The following PRDM16 variants were observed in gnomAD, a reference collection of about 807,000 sequenced individuals.
PRDM16 encodes the protein histone-lysine N-methyltransferase PRDM16.
A neutral mutation model predicts 110.6 loss-of-function variants in PRDM16; 23 were observed. That is an observed-to-expected ratio of 0.21 (90% CI 0.15 to 0.29). The LOEUF (loss-of-function observed/expected upper bound fraction) is 0.29. Among genes scored for constraint, PRDM16 ranks in the 10% least tolerant of loss-of-function variants. PRDM16 has a pLI of 1.00. For synonymous variants in PRDM16, 799 were observed against 781.8 expected, an observed-to-expected ratio of 1.02 and a Z score of -0.37; for missense variants, 1,615 against 1,794.3, an observed-to-expected ratio of 0.90 and a Z score of 1.81.
Position 3,255,419 on chromosome 1 carries a change from C to T in PRDM16, c.438+11282C>T, listed in dbSNP as rs1640020522. 6.6e-6 allele frequency among the ~76,000 whole-genome samples: 1 copy of T among 152,132 alleles called. No homozygotes were observed. The highest frequency in any genetic ancestry group is 1.5e-5 in the Non-Finnish European group (1 of 68,018). The stretch of plus-strand genomic sequence containing the variant: ...CTCACCACAAAGCCAGGGCTGCCCC[C>T]GACACTTCAGGAGCCCAGCCCATGA... On this transcript the variant is annotated intron_variant, in intron 3 of 16. Coordinates refer to ENST00000270722, the MANE Select transcript of PRDM16 (RefSeq NM_022114.4). This position sits in a 1 kb window ranked among gnomAD's most constrained non-coding sequence, Gnocchi z 4.7.
rs1216933596 is a variant in PRDM16 at position 3,382,675 on chromosome 1, T to C, written c.439-2477T>C. ...GGCCTGAGCCCCATCAGCTGGTCCCTGGGCTGAGGGGGATGCACTCAGGAG... is the reference window on the plus strand; with the variant it reads ...GGCCTGAGCCCCATCAGCTGGTCCCCGGGCTGAGGGGGATGCACTCAGGAG... On this transcript the variant is annotated intron_variant, in intron 3 of 16. Transcript: ENST00000270722. This position sits in a 1 kb window ranked among gnomAD's most constrained non-coding sequence, Gnocchi z 6.6. 6.6e-6 allele frequency among the ~76,000 whole-genome samples: 1 copy of C among 152,130 alleles called. No individual in the cohort carries two copies. Among genetic ancestry groups the C allele is most frequent in the East Asian group, 1.9e-4 (1 of 5,178 alleles).
intron 8 of PRDM16, 30 bp downstream of exon 8, chr1:3,405,678 C>T: frequency 8.5e-6 from 13 of 1,533,022 alleles, no homozygotes; most frequent in Non-Finnish European, 1.1e-5. Context: ...GGCCGCCTGC[C>T]CTCCGGGTGC....
At chr1:3,141,069 T>C (rs1177648644) in intron 1 of PRDM16, among the ~76,000 whole-genome samples, 4 of 152,170 alleles carry the variant, frequency 2.6e-5, no homozygotes, top group African/African-American at 9.7e-5. Flanking sequence ...CTTGCTCCCT[T>C]GGCTCCCAGA....
chr1:3,412,835 G>A, intron 9 of PRDM16, 35 bp downstream of exon 9: 1 of 1,420,554 alleles, frequency 7.0e-7, no homozygotes, highest in Non-Finnish European at 9.2e-7. Context: ...GCTCTCCCTG[G>A]GGCGGGGCCG....
chr1:3,281,349 C>T lies in PRDM16; in HGVS notation c.438+37212C>T, dbSNP rs1640708137. Among the ~76,000 whole-genome samples the T allele has an allele frequency of 2.6e-5, 4 of 152,182 alleles. No homozygotes were observed. The South Asian group carries it at 8.3e-4, about 31-fold the overall frequency. On this transcript the variant is annotated intron_variant, in intron 3 of 16. Transcript: ENST00000270722. ...GCTCCAGACCAGGCTGGCACTGAGACGCCCACCCCAGCCATGGTCATTTAG... is the reference window on the plus strand; with the variant it reads ...GCTCCAGACCAGGCTGGCACTGAGATGCCCACCCCAGCCATGGTCATTTAG...
At chr1:3,128,955 G>C (rs561518241) in intron 1 of PRDM16, among the ~76,000 whole-genome samples, 14 of 152,346 alleles carry the variant, frequency 9.2e-5, no homozygotes, top group African/African-American at 3.1e-4. Context: ...TGGGAAGTGG[G>C]AGCGACTGTG....
intron 3 of PRDM16, among the ~76,000 whole-genome samples, chr1:3,249,968 G>T (rs982147502): frequency 7.9e-5 from 12 of 152,194 alleles, no homozygotes; most frequent in African/African-American, 2.9e-4. Context: ...CAGGCAGAGA[G>T]GTGTAAGGCG....
chr1:3,364,117 A>C (rs1642767056), intron 3 of PRDM16, among the ~76,000 whole-genome samples: 1 of 152,158 alleles, frequency 6.6e-6, no homozygotes, highest in African/African-American at 2.4e-5. Context: ...AAGTCCTGCT[A>C]CGCAGCCTCA....
chr1:3,086,796 A>C (rs571014144), intron 1 of PRDM16, among the ~76,000 whole-genome samples: 1 of 152,170 alleles, frequency 6.6e-6, no homozygotes, highest in East Asian at 1.9e-4. Flanking sequence ...TTTTTTGTGG[A>C]GCATGCCGTT....
At chr1:3,156,185 G>A (rs1426409680) in intron 1 of PRDM16, among the ~76,000 whole-genome samples, 2 of 152,288 alleles carry the variant, frequency 1.3e-5, no homozygotes, top group African/African-American at 4.8e-5. Context: ...ACTTTGAGCC[G>A]TGATAGAATG....
chr1:3,432,004 A>C lies in PRDM16; in HGVS notation c.3560A>C (p.Glu1187Ala), dbSNP rs780559889. ...CACGAAGGCGGTCTGTTAGCTTTGG[A>C]GCCGATGCCGACTTTTGGGAAGGGG... ...EDHEGGLLAL[E>A]PMPTFGKGLD... Residue 1187 changes from glutamate to alanine, a missense_variant, in exon 16 of 17, where the codon GAG becomes GCG. Physicochemically the swap from Glu to Ala is moderately radical, Grantham distance 107 (BLOSUM62 -1). Around this residue, in one of 5 missense-constraint regions of PRDM16, gnomAD observed 327 missense variants for 359.3 expected, o/e 0.91. Transcript: ENST00000270722. The C allele has an allele frequency of 2.0e-5, 32 of 1,613,842 alleles. No homozygotes were observed.
At chr1:3,164,437 T>TG (rs1279777736) in intron 1 of PRDM16, among the ~76,000 whole-genome samples, 60 of 152,318 alleles carry the variant, frequency 3.9e-4, no homozygotes, top group African/African-American at 1.4e-3. Context: ...CGGGGGACCC[T>TG]GCCAGGAGGG....
Position 3,157,458 on chromosome 1 carries a change from TG to T in PRDM16, c.38-28662del, listed in dbSNP as rs372065203. 3.4e-3 allele frequency among the ~76,000 whole-genome samples: 450 copies of T among 132,900 alleles called. 3 individuals are homozygous for T. Among genetic ancestry groups the T allele is most frequent in the African/African-American group, 0.013 (436 of 34,006 alleles). The allele number at this position is 132,900 out of a possible 152,430, so 87.2% of individuals were successfully genotyped here. A position where few individuals can be genotyped will look rare whatever the true frequency, so the allele number is the denominator to read the frequency against. ...AAAAAAAAAACACCTTTGTGGGGGC[TG>T]GGGGTTGATTGTCTCTTGAAAACAG... On this transcript the variant is annotated intron_variant, in intron 1 of 16. Coordinates refer to ENST00000270722, the MANE Select transcript of PRDM16 (RefSeq NM_022114.4). The surrounding 1 kb of genome is among the most constrained non-coding windows in gnomAD (Gnocchi z 4.8).
In PRDM16 at chr1:3,069,535, G is replaced by A. The variant is rs893794589; in HGVS notation, c.37+239G>A. ...CCGAAGGCGCCGGCCCCCTCCCCGC[G>A]GAACCCCCTCCCCCCCCACCAGTGT... is the stretch of plus-strand genomic sequence containing the variant. On this transcript the variant is annotated intron_variant, in intron 1 of 16. Coordinates refer to ENST00000270722, the MANE Select transcript of PRDM16 (RefSeq NM_022114.4). The surrounding 1 kb of genome is among the most constrained non-coding windows in gnomAD (Gnocchi z 6.1). Among the ~76,000 whole-genome samples the A allele has an allele frequency of 8.1e-5, 12 of 148,348 alleles. No homozygotes were observed. The highest frequency in any genetic ancestry group is 2.9e-4 in the African/African-American group (12 of 40,952).
chr1:3,125,365 G>T (rs1490884376), intron 1 of PRDM16, among the ~76,000 whole-genome samples: 1 of 152,238 alleles, frequency 6.6e-6, no homozygotes, highest in African/African-American at 2.4e-5. Context: ...CGGTCCTCCT[G>T]TCCTTTCTGG....
chr1:3,396,626 C>T, intron 5 of PRDM16, 33 bp downstream of exon 5: 1 of 967,336 alleles, frequency 1.0e-6, no homozygotes, highest in East Asian at 2.6e-5. Flanking sequence ...GGCCACGGCC[C>T]CTGGGAGCCC....
Position 3,359,164 on chromosome 1 carries a change from C to T in PRDM16, c.439-25988C>T, listed in dbSNP as rs890434959. On this transcript the variant is annotated intron_variant, in intron 3 of 16. Transcript: ENST00000270722. This position sits in a 1 kb window ranked among gnomAD's most constrained non-coding sequence, Gnocchi z 4.3. Reference sequence around the variant, plus strand: ...AAGCGATCCTCCCTCCTCAGCCTCCCGAGTAGCTGGGACTACAGGCAGGTG... The same window carrying T: ...AAGCGATCCTCCCTCCTCAGCCTCCTGAGTAGCTGGGACTACAGGCAGGTG... Among the ~76,000 whole-genome samples, 3 of 152,164 alleles carry T rather than the reference C, an allele frequency of 2.0e-5. No individual in the cohort carries two copies. The highest frequency in any genetic ancestry group is 2.9e-5 in the Non-Finnish European group (2 of 68,028).
At chr1:3,189,157 CG>C (rs1638232173) in intron 2 of PRDM16, among the ~76,000 whole-genome samples, 2 of 152,202 alleles carry the variant, frequency 1.3e-5, no homozygotes, top group Non-Finnish European at 2.9e-5. Context: ...TGAGACGGGA[CG>C]GGAACACCAG....
intron 1 of PRDM16, among the ~76,000 whole-genome samples, chr1:3,135,058 C>G (rs1001364735): frequency 6.6e-6 from 1 of 152,156 alleles, no homozygotes; most frequent in Admixed American, 6.6e-5. Flanking sequence ...GAAGGTGCCA[C>G]CCCCGGGTCA....
Sources: gnomAD v4.1 joint callset for allele counts (sites outside exome capture counted in the v4.1 genomes callset) on GRCh38, gnomAD v4.1.1 for gene constraint, gnomAD v4.1.1 regional missense constraint, Gnocchi (gnomAD v3.1) non-coding constraint, MANE v1.5 for transcripts, NCBI Gene and HGNC (gene_info 2026-07-23, HGNC 2026-07-21) for gene names.